Variants in ITLN2 observed in about 807,000 individuals in gnomAD.
ITLN2 encodes the protein intelectin 2.
Under a neutral mutation model 39.4 loss-of-function variants are expected in ITLN2, and 29 were observed. That is an observed-to-expected ratio of 0.74 (90% CI 0.55 to 1.00). The LOEUF (loss-of-function observed/expected upper bound fraction) is 1.00, where lower values mean the gene tolerates loss of function less well. ITLN2 is among the 50% of genes least tolerant of loss of function. The pLI, the probability that ITLN2 is intolerant of heterozygous loss-of-function variation, is 0.00. For missense variants in ITLN2, 412 were observed against 416.7 expected (o/e 0.99, Z 0.10); for synonymous variants, 156 against 153.4 (o/e 1.02, Z -0.12).
chr1:160,953,925 G>GA (rs372243070), intron 2 of ITLN2, among the ~76,000 whole-genome samples: 1,549 of 152,106 alleles, frequency 0.01, 25 homozygotes, highest in African/African-American at 0.035. Flanking sequence ...CAGTATCAAT[G>GA]AAAAAATATC....
chr1:160,948,458 TCAAAGG>T (rs1173038688), intron 6 of ITLN2, among the ~76,000 whole-genome samples: 1 of 152,236 alleles, frequency 6.6e-6, no homozygotes, highest in East Asian at 1.9e-4. Flanking sequence ...CATCAAAATA[TCAAAGG>T]CAAACAGTGA....
rs571141052 is a variant in ITLN2, at chr1:160,946,886, A to G, written c.825+1043T>C. The stretch of plus-strand genomic sequence containing the variant: ...CCCACACAGGTACACACATGTGCAT[A>G]CCCATGCACACACATGGTGAAGGGG... On this transcript the variant is annotated intron_variant, in intron 7 of 7. Transcript: ENST00000368029. Among the ~76,000 whole-genome samples, 17 of 152,196 alleles carry G rather than the reference A, an allele frequency of 1.1e-4. 1 individual carries two copies. The highest frequency in any genetic ancestry group is 3.1e-4 in the African/African-American group (13 of 41,532).
rs770773020 is a variant in ITLN2, at chr1:160,951,055, G to A, written c.429C>T (p.Ser143=). The change falls in exon 4 of 8, where the codon AGC becomes AGT. Residue 143 remains serine, a synonymous_variant. Transcript: ENST00000368029. ...AAGTGGCACCAACCTTGTAGTCATC[G>A]CTCGTGGCCGCCTCTGCAGATCCAA... ...NTFGSAEAAT[S]DDYKNPGYYD... is the part of the protein sequence containing the mutation. The A allele has an allele frequency of 3.9e-5, 63 of 1,614,022 alleles. No homozygotes were observed. The highest frequency in any genetic ancestry group is 2.3e-4 in the Admixed American group (14 of 59,996).
At chr1:160,951,352 T>G in intron 3 of ITLN2, 62 bp from the exon 4 acceptor site, 2 of 1,519,582 alleles carry the variant, frequency 1.3e-6, no homozygotes. Context: ...CTCAGCTCCG[T>G]GAATAGAAAA....
chr1:160,950,569 A>T lies in ITLN2; in HGVS notation c.584T>A (p.Leu195Gln). ...TGFLQRLGHNLFGIYQKYPVK... is the reference protein window; with the variant it reads ...TGFLQRLGHNQFGIYQKYPVK... Reference sequence around the variant, plus strand: ...CCTGTGTACCTGGTAGATGCCAAACAGATTATGTCCCAGTCTCTGGAGGAA... The same window carrying T: ...CCTGTGTACCTGGTAGATGCCAAACTGATTATGTCCCAGTCTCTGGAGGAA... The change falls in exon 5 of 8, where the codon CTG becomes CAG. Residue 195 changes from leucine (L) to glutamine (Q), a missense_variant. By Grantham distance (113) the Leu-to-Gln change is moderately radical. Transcript: ENST00000368029. 6.2e-7 allele frequency: 1 copy of T among 1,614,048 alleles called. No homozygotes were observed. The highest frequency in any genetic ancestry group is 8.5e-7 in the Non-Finnish European group (1 of 1,179,940).
At chr1:160,953,900 A>C (rs1430627119) in intron 2 of ITLN2, among the ~76,000 whole-genome samples, 1 of 152,128 alleles carries the variant, frequency 6.6e-6, no homozygotes, top group Non-Finnish European at 1.5e-5. Flanking sequence ...GATGGATTGA[A>C]ATAAACAATA....
At position 160,951,037 on chromosome 1, in the gene ITLN2, A is replaced by G. The variant is rs1671729689; in HGVS notation, c.441+6T>C. On this transcript the variant is annotated splice_donor_region_variant and intron_variant, in intron 4 of 7. Coordinates refer to ENST00000368029, the MANE Select transcript of ITLN2 (RefSeq NM_080878.3). The stretch of plus-strand genomic sequence containing the variant: ...CTCACCCAAGTAGGAGAGAAGTGGC[A>G]CCAACCTTGTAGTCATCGCTCGTGG... The G allele has an allele frequency of 6.2e-7, 1 of 1,614,076 alleles. No homozygotes were observed. The highest frequency in any genetic ancestry group is 8.5e-7 in the Non-Finnish European group (1 of 1,180,046).
Position 160,945,249 on chromosome 1 carries a change from C to T in ITLN2, c.869G>A (p.Arg290His), listed in dbSNP as rs1354978381. The T allele has an allele frequency of 7.5e-6, 12 of 1,602,292 alleles. No individual in the cohort carries two copies. The highest frequency in any genetic ancestry group is 4.1e-5 in the African/African-American group (3 of 74,032). The change falls in exon 8 of 8, where the codon CGT becomes CAT. Residue 290 changes from arginine to histidine, a missense_variant. Physicochemically the swap from Arg to His is conservative, Grantham distance 29. Coordinates refer to ENST00000368029, the MANE Select transcript of ITLN2 (RefSeq NM_080878.3). ...GGGFFPQGKPRQCGDFSAFDW... is the reference protein window; with the variant it reads ...GGGFFPQGKPHQCGDFSAFDW... Reference sequence around the variant, plus strand: ...AAAGGCGGAGAAGTCCCCACACTGACGGGGTTTGCCCTGTGGGAAGAACCC... The same window carrying T: ...AAAGGCGGAGAAGTCCCCACACTGATGGGGTTTGCCCTGTGGGAAGAACCC...
chr1:160,949,635 A>C (rs1030811241), intron 6 of ITLN2: 5 of 174,018 alleles, frequency 2.9e-5, no homozygotes, highest in East Asian at 3.0e-4. Flanking sequence ...AACACAGCAC[A>C]TGTCTCTGTG....
At chr1:160,948,086 C>G in intron 6 of ITLN2, 54 bp from the exon 7 acceptor site, 1 of 1,450,314 alleles carries the variant, frequency 6.9e-7, no homozygotes, top group Non-Finnish European at 9.7e-7. Flanking sequence ...GAACTAGAAG[C>G]AGCATCCCAT....
intron 3 of ITLN2, among the ~76,000 whole-genome samples, chr1:160,952,160 TA>T (rs1286119306): frequency 6.6e-6 from 1 of 152,216 alleles, no homozygotes; most frequent in Non-Finnish European, 1.5e-5. Context: ...TCTCTGGCTC[TA>T]AAAAGGGTTT....
rs1671825281 is a variant in ITLN2 at position 160,954,798 on chromosome 1, G to C, written c.-57C>G. Reference sequence around the variant, plus strand: ...TCCTGTGGACACTCGGAGCTCCCCTGCAGAGGATCCTGATGAAGGGTGAAG... The same window carrying C: ...TCCTGTGGACACTCGGAGCTCCCCTCCAGAGGATCCTGATGAAGGGTGAAG... On this transcript the variant is annotated 5_prime_UTR_variant, in exon 1 of 8. Coordinates refer to ENST00000368029, the MANE Select transcript of ITLN2 (RefSeq NM_080878.3). 2.5e-6 allele frequency: 4 copies of C among 1,590,414 alleles called. No individual in the cohort carries two copies. Among genetic ancestry groups the C allele is most frequent in the East Asian group, 2.2e-5 (1 of 44,790 alleles).
At position 160,950,170 on chromosome 1, in the gene ITLN2, CAG is replaced by C; in HGVS notation, c.601-6_601-5del. 6.2e-7 allele frequency: 1 copy of C among 1,613,704 alleles called. No individual in the cohort carries two copies. Among genetic ancestry groups the C allele is most frequent in the South Asian group, 1.1e-5 (1 of 91,054 alleles). On this transcript the variant is annotated splice_polypyrimidine_tract_variant and splice_region_variant and intron_variant, in intron 5 of 7. Transcript: ENST00000368029. ...ATCTGTATTTCACTGGGTATTTCTG[CAG>C]AGACCCAGAAGAAAGGTTTTGTGAG...
In ITLN2 at chr1:160,952,627, A is replaced by C. The variant is rs1218588323; in HGVS notation, c.186T>G (p.Ser62Arg). The C allele has an allele frequency of 6.2e-7, 1 of 1,611,630 alleles. No individual in the cohort carries two copies. The highest frequency in any genetic ancestry group is 8.5e-7 in the Non-Finnish European group (1 of 1,177,764). ...AGTTGGTTCATTACTCACCACCTGC[A>C]CTATGGCAGCGTTCCTTGATTTCTT... ...SCKEIKERCHSAGDGLYFLRT... is the reference protein window; with the variant it reads ...SCKEIKERCHRAGDGLYFLRT... The change falls in exon 3 of 8, where the codon AGT becomes AGG. Residue 62 changes from serine to arginine, a missense_variant. By Grantham distance (110) the Ser-to-Arg change is moderately radical. Transcript: ENST00000368029.
At chr1:160,951,593 G>A (rs1671747221) in intron 3 of ITLN2, 5 of 294,864 alleles carry the variant, frequency 1.7e-5, no homozygotes, top group Admixed American at 4.7e-5. Flanking sequence ...ATCAGCACAC[G>A]CCACATCTGA....
At chr1:160,946,428 C>T (rs1213807322) in intron 7 of ITLN2, among the ~76,000 whole-genome samples, 3 of 152,114 alleles carry the variant, frequency 2.0e-5, no homozygotes, top group Admixed American at 2.0e-4. Context: ...ATGGACTCTT[C>T]AGGCTGGGCG....
rs530656787 is a variant in ITLN2, at chr1:160,947,525, C to T, written c.825+404G>A. On this transcript the variant is annotated intron_variant, in intron 7 of 7. Coordinates refer to ENST00000368029, the MANE Select transcript of ITLN2 (RefSeq NM_080878.3). ...TAAGGTCTTTCCTCTCCCATGAGGCCATATCTCAGGCTGTCTCAGTGGGGG... is the reference window on the plus strand; with the variant it reads ...TAAGGTCTTTCCTCTCCCATGAGGCTATATCTCAGGCTGTCTCAGTGGGGG... Among the ~76,000 whole-genome samples the T allele has an allele frequency of 1.1e-4, 17 of 152,298 alleles. No individual in the cohort carries two copies. The South Asian group carries it at 3.5e-3, about 32-fold the overall frequency.
chr1:160,954,345 G>A lies in ITLN2; in HGVS notation c.79+42C>T, dbSNP rs199648209. On this transcript the variant is annotated intron_variant, in intron 2 of 7. Transcript: ENST00000368029. ...CCTCCAGGCCCTGCACAGCAGAGGG[G>A]AGCCCAGGAAACTGCAGCTCCTACT... 1.9e-4 allele frequency: 273 copies of A among 1,423,216 alleles called. No individual in the cohort carries two copies. In the African/African-American group the frequency reaches 3.2e-3, roughly 16 times the overall value. 88.2% of individuals were successfully genotyped at this position (1,423,216 alleles called of 1,614,324 possible). A position where few individuals can be genotyped will look rare whatever the true frequency, so the allele number is the denominator to read the frequency against.
chr1:160,952,812 C>G, intron 2 of ITLN2, 79 bp from the exon 3 acceptor site: 1 of 1,002,818 alleles, frequency 1.0e-6, no homozygotes, highest in Non-Finnish European at 1.6e-6. Flanking sequence ...GCCCCTGTAT[C>G]AACTCATCAC....
Sources: allele counts gnomAD v4.1 joint callset (sites outside exome capture counted in the v4.1 genomes callset), GRCh38; gene constraint gnomAD v4.1.1; transcripts MANE v1.5; gene names NCBI Gene and HGNC (gene_info 2026-07-23, HGNC 2026-07-21).